DGKB: variants seen among roughly 807,000 people sequenced by gnomAD.
DGKB encodes the protein 90 kDa diacylglycerol kinase.
In DGKB, 67 loss-of-function variants were observed where a neutral mutation model predicts 114.3. The ratio of observed to expected loss-of-function variants is 0.59; its 90% CI spans 0.48 to 0.72. The LOEUF (loss-of-function observed/expected upper bound fraction) is 0.72, where lower values mean the gene tolerates loss of function less well. Ranked by LOEUF, DGKB falls within the 30% of genes least tolerant of loss-of-function variation. DGKB has a pLI of 0.00. For missense variants in DGKB, 907 were observed against 975.2 expected, an observed-to-expected ratio of 0.93 and a Z score of 0.93; for synonymous variants, 398 against 323.1, an observed-to-expected ratio of 1.23 and a Z score of -2.49.
At chr7:14,661,206 G>T (rs908047085) in intron 13 of DGKB, among the ~76,000 whole-genome samples, 2 of 150,436 alleles carry the variant, frequency 1.3e-5, no homozygotes, top group African/African-American at 4.9e-5. Context: ...TGACAAATGG[G>T]ATCTAATTAA....
intron 13 of DGKB, among the ~76,000 whole-genome samples, chr7:14,640,588 CG>C (rs1811583039): frequency 6.6e-6 from 1 of 151,980 alleles, no homozygotes; most frequent in Non-Finnish European, 1.5e-5. Flanking sequence ...ATGGAAAGCT[CG>C]AGAACTATCC....
intron 13 of DGKB, among the ~76,000 whole-genome samples, chr7:14,657,573 C>T (rs913444214): frequency 6.6e-6 from 1 of 151,768 alleles, no homozygotes. Flanking sequence ...AAATAGATGA[C>T]TTCAGTAACT....
At chr7:14,974,234 T>C (rs565331613) in intron 1 of DGKB, among the ~76,000 whole-genome samples, 127 of 152,180 alleles carry the variant, frequency 8.3e-4, no homozygotes, top group African/African-American at 2.9e-3. Flanking sequence ...GTGTTTGTGA[T>C]GACTAATATT....
At chr7:14,940,027 C>A (rs1280207236) in intron 1 of DGKB, among the ~76,000 whole-genome samples, 1 of 152,128 alleles carries the variant, frequency 6.6e-6, no homozygotes, top group Non-Finnish European at 1.5e-5. Flanking sequence ...TTGGCTTCTG[C>A]ACCAGGCCAG....
chr7:14,901,720 A>C (rs576819377), intron 1 of DGKB, among the ~76,000 whole-genome samples: 1 of 149,658 alleles, frequency 6.7e-6, no homozygotes, highest in Non-Finnish European at 1.5e-5. Context: ...TATTTTCTAG[A>C]AAAGACCTTC....
chr7:14,438,099 C>T (rs2128806216), intron 21 of DGKB, among the ~76,000 whole-genome samples: 1 of 152,074 alleles, frequency 6.6e-6, no homozygotes, highest in African/African-American at 2.4e-5. Flanking sequence ...CCACAACCCC[C>T]AGAACAAGTA....
intron 20 of DGKB, among the ~76,000 whole-genome samples, chr7:14,562,158 G>A (rs1468566421): frequency 6.6e-6 from 1 of 152,200 alleles, no homozygotes; most frequent in Non-Finnish European, 1.5e-5. Context: ...CTAAGCCTTG[G>A]CAGCTTCCAC....
At chr7:14,646,746 G>A (rs892351849) in intron 13 of DGKB, among the ~76,000 whole-genome samples, 6 of 147,168 alleles carry the variant, frequency 4.1e-5, no homozygotes, top group Non-Finnish European at 9.0e-5. Context: ...TGACAAACAG[G>A]TCAATAAGGA....
chr7:14,189,372 G>A (rs1465165772), intron 23 of DGKB, among the ~76,000 whole-genome samples: 1 of 152,124 alleles, frequency 6.6e-6, no homozygotes, highest in Non-Finnish European at 1.5e-5. Context: ...GACTCTTTAT[G>A]TTAGCCTGTG....
At chr7:14,476,188 G>A (rs1347430944) in intron 21 of DGKB, among the ~76,000 whole-genome samples, 2 of 151,762 alleles carry the variant, frequency 1.3e-5, no homozygotes, top group Non-Finnish European at 1.5e-5. Context: ...ATGCTTCATA[G>A]AATGACATGT....
chr7:14,576,037 A>G (rs957275254), intron 19 of DGKB, among the ~76,000 whole-genome samples: 14 of 152,210 alleles, frequency 9.2e-5, no homozygotes, highest in African/African-American at 3.1e-4. Flanking sequence ...TTAAAAAGTA[A>G]TTACTCGCTA....
At chr7:14,590,109 A>C (rs1049169332) in intron 17 of DGKB, among the ~76,000 whole-genome samples, 6 of 151,936 alleles carry the variant, frequency 3.9e-5, no homozygotes, top group African/African-American at 1.4e-4. Flanking sequence ...ATGTATACAT[A>C]TGTAACTAAC....
intron 4 of DGKB, among the ~76,000 whole-genome samples, chr7:14,746,994 T>C (rs769698427): frequency 2.0e-5 from 3 of 152,110 alleles, no homozygotes; most frequent in African/African-American, 2.4e-5. Flanking sequence ...ATTACAGATA[T>C]AAGAATGGAG....
chr7:14,182,801 T>C (rs546333479), intron 23 of DGKB, among the ~76,000 whole-genome samples: 6 of 152,220 alleles, frequency 3.9e-5, no homozygotes, highest in Non-Finnish European at 8.8e-5. Flanking sequence ...TGTCTCATTA[T>C]GTAATTGTTT....
At chr7:14,898,671 C>G (rs148986896) in intron 1 of DGKB, among the ~76,000 whole-genome samples, 28 of 152,146 alleles carry the variant, frequency 1.8e-4, no homozygotes, top group African/African-American at 6.7e-4. Context: ...ATTCCCAACC[C>G]CAACCTGAAG....
chr7:14,238,057 G>A (rs1002359876), intron 23 of DGKB, among the ~76,000 whole-genome samples: 1 of 151,732 alleles, frequency 6.6e-6, no homozygotes. Flanking sequence ...AATATCTCTC[G>A]GGTTGGTGAA....
chr7:14,345,168 A>C (rs2128591777), intron 22 of DGKB, 133 bp downstream of exon 22: 2 of 571,722 alleles, frequency 3.5e-6, no homozygotes, highest in East Asian at 5.9e-5. Context: ...AAGGAATGAC[A>C]ATTTAAAATC....
intron 23 of DGKB, among the ~76,000 whole-genome samples, chr7:14,243,876 A>G (rs1794022531): frequency 6.6e-6 from 1 of 152,176 alleles, no homozygotes; most frequent in African/African-American, 2.4e-5. Context: ...GATCCATGAT[A>G]ACTGATTTAT....
chr7:14,717,923 CTA>C (rs938062616), intron 6 of DGKB, among the ~76,000 whole-genome samples: 1 of 152,102 alleles, frequency 6.6e-6, no homozygotes, highest in African/African-American at 2.4e-5. Flanking sequence ...AGCTCAGTCA[CTA>C]TGTTTTATTA....
Sources: gnomAD v4.1 joint callset for allele counts (sites outside exome capture counted in the v4.1 genomes callset) on GRCh38, gnomAD v4.1.1 for gene constraint, MANE v1.5 for transcripts, NCBI Gene and HGNC (gene_info 2026-07-23, HGNC 2026-07-21) for gene names.